Variants in YWHAZ observed in about 807,000 individuals in gnomAD.
YWHAZ encodes the protein tyrosine 3-monooxygenase/tryptophan 5-monooxygenase activation protein zeta, also known as 14-3-3 protein zeta/delta.
For synonymous variants in YWHAZ, 87 were observed against 103.6 expected, an observed-to-expected ratio of 0.84 and a Z score of 0.97; for missense variants, 79 against 284.8, an observed-to-expected ratio of 0.28 and a Z score of 5.20.
Position 100,924,833 on chromosome 8 carries a change from C to G in YWHAZ, c.418+83G>C. On this transcript the variant is annotated intron_variant, in intron 3 of 5. Transcript: ENST00000395958. This position sits in a 1 kb window ranked among gnomAD's most constrained non-coding sequence, Gnocchi z 5.7. ...ATTCGGCACTCTAAGCAATTCAAAA[C>G]AAGACATTATGTACGCTTCAGAGAC... The G allele has an allele frequency of 6.4e-7, 1 of 1,562,174 alleles. No individual in the cohort carries two copies. The highest frequency in any genetic ancestry group is 8.7e-7 in the Non-Finnish European group (1 of 1,150,522).
rs1222032000 is a variant in YWHAZ at position 100,940,058 on chromosome 8, G to A, written c.294+8538C>T. 1.1e-4 allele frequency among the ~76,000 whole-genome samples: 10 copies of A among 91,068 alleles called. 1 individual carries two copies. The highest frequency in any genetic ancestry group is 5.0e-4 in the South Asian group (1 of 2,008). The allele number at this position is 91,068 out of a possible 152,430, so 59.7% of individuals were successfully genotyped here. ...AGCCTGGGGGACAGAGCGAGACTCC[G>A]TCTCAAAAAAAAAAAAAAAAAGTGA... On this transcript the variant is annotated intron_variant, in intron 2 of 5. Coordinates refer to ENST00000395958, the MANE Select transcript of YWHAZ (RefSeq NM_145690.3).
At chr8:100,947,554 T>C (rs894951152) in intron 2 of YWHAZ, among the ~76,000 whole-genome samples, 3 of 152,242 alleles carry the variant, frequency 2.0e-5, no homozygotes, top group African/African-American at 4.8e-5. Context: ...TAGGAACTGA[T>C]GCTATTCCAT....
intron 2 of YWHAZ, among the ~76,000 whole-genome samples, chr8:100,934,329 T>TTA (rs1813980644): frequency 6.6e-6 from 1 of 150,472 alleles, no homozygotes; most frequent in Non-Finnish European, 1.5e-5. Context: ...CTATCTTTTT[T>TTA]TTTTTTTTTT....
chr8:100,917,728 G>A lies in YWHAZ; in HGVS notation c.*2965C>T, dbSNP rs1026784794. 2.0e-5 allele frequency: 3 copies of A among 151,912 alleles called. No individual in the cohort carries two copies. The highest frequency in any genetic ancestry group is 2.9e-5 in the Non-Finnish European group (2 of 67,954). The allele number at this position is 151,912 out of a possible 1,614,324, so 9.4% of individuals were successfully genotyped here. A position where few individuals can be genotyped will look rare whatever the true frequency, so the allele number is the denominator to read the frequency against. ...TTGACACTCCGTCTTAAAAACAAAC[G>A]AACAAAAAAATTCCAGTACTTTACA... is the stretch of plus-strand genomic sequence containing the variant. On this transcript the variant is annotated 3_prime_UTR_variant, in exon 6 of 6. Coordinates refer to ENST00000395958, the MANE Select transcript of YWHAZ (RefSeq NM_145690.3).
intron 1 of YWHAZ, chr8:100,951,391 G>T: frequency 1.0e-6 from 1 of 971,510 alleles, no homozygotes; most frequent in Non-Finnish European, 1.2e-6. Context: ...CGCCCAGCGC[G>T]GAGGCTGCGC....
At chr8:100,925,102 A>C in intron 2 of YWHAZ, 63 bp from the exon 3 acceptor site, 2 of 1,521,122 alleles carry the variant, frequency 1.3e-6, no homozygotes, top group Non-Finnish European at 1.8e-6. Context: ...AAGAACTTGC[A>C]TTTCTTAAAG....
upstream of YWHAZ, chr8:100,952,689 C>T: frequency 1.4e-6 from 1 of 710,602 alleles, no homozygotes; most frequent in Non-Finnish European, 1.7e-6. Context: ...TCAGGACTTG[C>T]GGGGCGGGGG....
At chr8:100,925,756 A>G (rs1813318448) in intron 2 of YWHAZ, among the ~76,000 whole-genome samples, 1 of 152,064 alleles carries the variant, frequency 6.6e-6, no homozygotes. Context: ...AACTACTATT[A>G]CAATCTGAGT....
Position 100,925,048 on chromosome 8 carries a change from G to T in YWHAZ, c.295-9C>A. 6.2e-7 allele frequency: 1 copy of T among 1,609,432 alleles called. No individual in the cohort carries two copies. Among genetic ancestry groups the T allele is most frequent in the Non-Finnish European group, 8.5e-7 (1 of 1,178,458 alleles). On this transcript the variant is annotated splice_polypyrimidine_tract_variant and intron_variant, in intron 2 of 5. Coordinates refer to ENST00000395958, the MANE Select transcript of YWHAZ (RefSeq NM_145690.3). ...AACTTTTCCAAAAGAGACTTAAGAA[G>T]AAAAGAAACAGACATAGTGAGAATA...
At position 100,922,198 on chromosome 8, in the gene YWHAZ, T is replaced by C. The variant is rs559529309; in HGVS notation, c.679-1446A>G. ...GCAAATTTGATACAAAATATTTCTT[T>C]TTCTAGAGTAATGTGTTGACAGTCT... On this transcript the variant is annotated intron_variant, in intron 5 of 5. Coordinates refer to ENST00000395958, the MANE Select transcript of YWHAZ (RefSeq NM_145690.3). The surrounding 1 kb of genome is among the most constrained non-coding windows in gnomAD (Gnocchi z 4.1). Among the ~76,000 whole-genome samples, 10 of 152,330 alleles carry C rather than the reference T, an allele frequency of 6.6e-5. No individual in the cohort carries two copies. The highest frequency in any genetic ancestry group is 2.2e-4 in the African/African-American group (9 of 41,580).
chr8:100,951,409 A>T (rs2130388709), intron 1 of YWHAZ: 1 of 956,676 alleles, frequency 1.0e-6, no homozygotes, highest in South Asian at 4.8e-5. Flanking sequence ...CGCGAGGGGG[A>T]GGGAAAGGAG....
At chr8:100,952,842 G>C (rs546524735), upstream of YWHAZ, 3 of 1,000,268 alleles carry the variant, frequency 3.0e-6, no homozygotes, top group Admixed American at 1.8e-4. Context: ...CCGCCGCCGC[G>C]GCTTTACCTG....
chr8:100,918,441 T>TATATATATATATATATATATAA lies in YWHAZ; in HGVS notation c.*2251_*2252insTTATATATATATATATATATAT, dbSNP rs1563661969. The TATATATATATATATATATATAA allele has an allele frequency of 6.6e-5, 8 of 120,818 alleles. 1 individual carries two copies. Among genetic ancestry groups the TATATATATATATATATATATAA allele is most frequent in the Admixed American group, 1.7e-4 (2 of 11,796 alleles). The allele number at this position is 120,818 out of a possible 1,614,324, so 7.5% of individuals were successfully genotyped here. ...ATATATATATATATATATATATATATATAATTATTTTACCTCCTTGGCTTG... is the reference window on the plus strand; with the variant it reads ...ATATATATATATATATATATATATATATATATATATATATATATATAAATAATTATTTTACCTCCTTGGCTTG... On this transcript the variant is annotated 3_prime_UTR_variant, in exon 6 of 6. Transcript: ENST00000395958.
chr8:100,952,733 A>C, upstream of YWHAZ: 1 of 960,050 alleles, frequency 1.0e-6, no homozygotes, highest in Non-Finnish European at 1.3e-6. Flanking sequence ...GTCGCACGGC[A>C]AGGGAGGGTT....
chr8:100,947,262 AAAAAAAC>A (rs1563690248), intron 2 of YWHAZ, among the ~76,000 whole-genome samples: 1 of 151,974 alleles, frequency 6.6e-6, no homozygotes, highest in Non-Finnish European at 1.5e-5. Flanking sequence ...TCAAAAAAAA[AAAAAAAC>A]AAAAAACAAA....
chr8:100,945,818 G>C (rs1465749626), intron 2 of YWHAZ, among the ~76,000 whole-genome samples: 1 of 151,868 alleles, frequency 6.6e-6, no homozygotes, highest in Non-Finnish European at 1.5e-5. Flanking sequence ...GAAAAAGCTA[G>C]GGAAATTTTG....
Position 100,948,989 on chromosome 8 carries a change from A to G in YWHAZ, c.-11-89T>C, listed in dbSNP as rs1406302819. The G allele has an allele frequency of 1.0e-5, 14 of 1,384,082 alleles. No homozygotes were observed. The East Asian group carries it at 3.0e-4, about 30-fold the overall frequency. 85.7% of individuals were successfully genotyped at this position (1,384,082 alleles called of 1,614,324 possible). On this transcript the variant is annotated intron_variant, in intron 1 of 5. Coordinates refer to ENST00000395958, the MANE Select transcript of YWHAZ (RefSeq NM_145690.3). This position sits in a 1 kb window ranked among gnomAD's most constrained non-coding sequence, Gnocchi z 4.2. ...TACCTGTGGTAAATGAGTTTTTTAA[A>G]CCTGAAACCTAACTGCCTGTGAAAG...
intron 5 of YWHAZ, chr8:100,923,020 C>G (rs945439069): frequency 6.6e-6 from 1 of 152,088 alleles, no homozygotes; most frequent in Admixed American, 6.5e-5. Flanking sequence ...AACAAGTATA[C>G]AATACTATTC....
intron 2 of YWHAZ, among the ~76,000 whole-genome samples, chr8:100,936,193 G>A (rs933586584): frequency 6.6e-6 from 1 of 152,124 alleles, no homozygotes; most frequent in Non-Finnish European, 1.5e-5. Context: ...TTACAGAGCT[G>A]GGATCCTATT....
Sources: gnomAD v4.1 joint callset for allele counts (sites outside exome capture counted in the v4.1 genomes callset) on GRCh38, gnomAD v4.1.1 for gene constraint, Gnocchi (gnomAD v3.1) non-coding constraint, MANE v1.5 for transcripts, NCBI Gene and HGNC (gene_info 2026-07-23, HGNC 2026-07-21) for gene names.